The following ARID5B variants were observed in gnomAD, a reference collection of about 807,000 sequenced individuals.
ARID5B encodes the protein AT-rich interaction domain 5B.
A neutral mutation model predicts 97.2 loss-of-function variants in ARID5B; 13 were observed. The observed-to-expected ratio is 0.13, with a 90% CI of 0.09 to 0.21. ARID5B has a LOEUF of 0.21. ARID5B is among the 10% of genes least tolerant of loss of function. ARID5B has a pLI of 1.00. For synonymous variants in ARID5B, 556 were observed against 570.3 expected, an observed-to-expected ratio of 0.97 and a Z score of 0.36; for missense variants, 1,210 against 1,465.3, an observed-to-expected ratio of 0.83 and a Z score of 2.84.
Position 62,096,336 on chromosome 10 carries a change from T to C in ARID5B, c.*3306T>C, listed in dbSNP as rs1840469985. The C allele has an allele frequency of 4.3e-6, 1 of 233,560 alleles. No individual in the cohort carries two copies. Among genetic ancestry groups the C allele is most frequent in the Non-Finnish European group, 8.5e-6 (1 of 118,050 alleles). The allele number at this position is 233,560 out of a possible 1,614,324, so 14.5% of individuals were successfully genotyped here. ...TGTAGTGTGCCTTCAAAGAGAACCA[T>C]TTATTTCTCTTCACTTATCGTCCCA... On this transcript the variant is annotated 3_prime_UTR_variant, in exon 10 of 10. Transcript: ENST00000279873.
At chr10:62,039,030 GAC>G (rs1184608418) in intron 4 of ARID5B, among the ~76,000 whole-genome samples, 1 of 152,226 alleles carries the variant, frequency 6.6e-6, no homozygotes, top group Non-Finnish European at 1.5e-5. Flanking sequence ...GACTGGTGCA[GAC>G]AAGAGCTTTT....
intron 7 of ARID5B, among the ~76,000 whole-genome samples, chr10:62,065,396 C>G (rs1839973248): frequency 6.6e-6 from 1 of 152,190 alleles, no homozygotes; most frequent in Non-Finnish European, 1.5e-5. Context: ...TCCCTTCCTT[C>G]CTTTCACTTC....
chr10:61,987,688 C>T (rs1321578331), intron 3 of ARID5B, among the ~76,000 whole-genome samples: 1 of 152,214 alleles, frequency 6.6e-6, no homozygotes, highest in Non-Finnish European at 1.5e-5. Context: ...AATGAATGTG[C>T]ATGACTATGT....
rs141236035 is a variant in ARID5B, at chr10:62,091,487, C to G, written c.2024C>G (p.Thr675Arg). 4 of 1,612,508 alleles carry G rather than the reference C, an allele frequency of 2.5e-6. No homozygotes were observed. The highest frequency in any genetic ancestry group is 3.4e-6 in the Non-Finnish European group (4 of 1,179,328). ...AACGAGAACCATGGACTTAATTACA[C>G]GCCCCTGCTCTACTCTAGGGGCAAC... ...PMNENHGLNY[T>R]PLLYSRGNPG... The change falls in exon 10 of 10, where the codon ACG (threonine) becomes AGG (arginine). Residue 675 changes from threonine (T) to arginine (R), a missense_variant. Around this residue, in one of 8 missense-constraint regions of ARID5B, gnomAD observed 800 missense variants for 839.1 expected, o/e 0.95. Transcript: ENST00000279873.
At chr10:61,964,325 GTC>G (rs1838514808) in intron 3 of ARID5B, among the ~76,000 whole-genome samples, 1 of 152,118 alleles carries the variant, frequency 6.6e-6, no homozygotes, top group South Asian at 2.1e-4. Context: ...CTGCAGGGAC[GTC>G]TCTCAGTATT....
chr10:62,040,372 A>G (rs1839621315), intron 4 of ARID5B, among the ~76,000 whole-genome samples: 1 of 152,126 alleles, frequency 6.6e-6, no homozygotes, highest in African/African-American at 2.4e-5. Flanking sequence ...ATGTGTATAT[A>G]TAACTATATA....
Position 62,018,717 on chromosome 10 carries a change from C to T in ARID5B, c.733+18396C>T, listed in dbSNP as rs542652438. Reference sequence around the variant, plus strand: ...CTGTCTTGTGATTATGTCTTATGATCCTGACCTGGTGATATTTTGCATTAA... The same window carrying T: ...CTGTCTTGTGATTATGTCTTATGATTCTGACCTGGTGATATTTTGCATTAA... On this transcript the variant is annotated intron_variant, in intron 4 of 9. Coordinates refer to ENST00000279873, the MANE Select transcript of ARID5B (RefSeq NM_032199.3). Among the ~76,000 whole-genome samples, 4 of 142,908 alleles carry T rather than the reference C, an allele frequency of 2.8e-5. No individual in the cohort carries two copies. In the East Asian group the frequency reaches 6.5e-4, roughly 23 times the overall value. 93.8% of individuals were successfully genotyped at this position (142,908 alleles called of 152,430 possible).
At chr10:61,998,143 C>G (rs1839026923) in intron 3 of ARID5B, among the ~76,000 whole-genome samples, 1 of 152,172 alleles carries the variant, frequency 6.6e-6, no homozygotes, top group Admixed American at 6.5e-5. Flanking sequence ...AAGCCGCCAG[C>G]CTGAGGAACT....
chr10:62,005,513 C>G (rs968967358), intron 4 of ARID5B, among the ~76,000 whole-genome samples: 23 of 152,190 alleles, frequency 1.5e-4, no homozygotes, highest in Admixed American at 1.4e-3. Flanking sequence ...CTCCTGGGGT[C>G]TTACTATAAT....
intron 2 of ARID5B, among the ~76,000 whole-genome samples, chr10:61,931,453 G>C (rs941042459): frequency 1.3e-5 from 2 of 152,030 alleles, no homozygotes; most frequent in Admixed American, 6.5e-5. Context: ...TAGGCAAAGA[G>C]TTCATAGATA....
chr10:61,929,075 G>A (rs1268252498), intron 2 of ARID5B, among the ~76,000 whole-genome samples: 1 of 152,218 alleles, frequency 6.6e-6, no homozygotes, highest in Non-Finnish European at 1.5e-5. Flanking sequence ...ACAAGCTGAA[G>A]TGGTTGTAGT....
intron 3 of ARID5B, among the ~76,000 whole-genome samples, chr10:61,956,104 C>A (rs1838387741): frequency 3.3e-5 from 5 of 152,156 alleles, no homozygotes; most frequent in Admixed American, 2.6e-4. Context: ...TAACAGGGGT[C>A]CCCAATCCCC....
At chr10:61,952,843 GGTGT>G (rs59658634) in intron 3 of ARID5B, among the ~76,000 whole-genome samples, 2,497 of 147,850 alleles carry the variant, frequency 0.017, 24 homozygotes, top group Non-Finnish European at 0.026. Flanking sequence ...TGGTGTTATA[GGTGT>G]GTGTGTGTGT....
At chr10:61,980,365 T>A (rs1184623395) in intron 3 of ARID5B, among the ~76,000 whole-genome samples, 1 of 152,190 alleles carries the variant, frequency 6.6e-6, no homozygotes, top group African/African-American at 2.4e-5. Flanking sequence ...TTCATATTTC[T>A]CCTCCTTATG....
At chr10:61,948,327 C>T (rs1205037980) in intron 3 of ARID5B, among the ~76,000 whole-genome samples, 2 of 149,878 alleles carry the variant, frequency 1.3e-5, no homozygotes, top group East Asian at 2.0e-4. Flanking sequence ...CTAAGATGTG[C>T]TTTCAGAATC....
Position 62,093,754 on chromosome 10 carries a change from G to A in ARID5B, c.*724G>A, listed in dbSNP as rs1840424607. ...TTGAGGCTGACTGACTGTCCTAGTT[G>A]TTGTGTGTTTGTAATTTTTCCACAT... On this transcript the variant is annotated 3_prime_UTR_variant, in exon 10 of 10. Transcript: ENST00000279873. 1 of 210,380 alleles carries A rather than the reference G, an allele frequency of 4.8e-6. No individual in the cohort carries two copies. The highest frequency in any genetic ancestry group is 2.0e-4 in the South Asian group (1 of 4,914). The allele number at this position is 210,380 out of a possible 1,614,324, so 13.0% of individuals were successfully genotyped here.
intron 3 of ARID5B, among the ~76,000 whole-genome samples, chr10:61,947,682 A>C (rs1838258392): frequency 6.6e-6 from 1 of 152,226 alleles, no homozygotes; most frequent in African/African-American, 2.4e-5. Flanking sequence ...AAATAGTTGA[A>C]TATTGCCTTG....
intron 3 of ARID5B, among the ~76,000 whole-genome samples, chr10:61,969,262 C>T (rs1208107718): frequency 1.3e-5 from 2 of 152,190 alleles, no homozygotes; most frequent in African/African-American, 4.8e-5. Flanking sequence ...TGCTTATTTG[C>T]TAGCAGTTTG....
chr10:62,032,848 T>C (rs1024666829), intron 4 of ARID5B, among the ~76,000 whole-genome samples: 10 of 152,176 alleles, frequency 6.6e-5, no homozygotes, highest in African/African-American at 2.4e-4. Flanking sequence ...TCTTTCCTTT[T>C]CTCCTAAGTG....
Sources: gnomAD v4.1 joint callset for allele counts (sites outside exome capture counted in the v4.1 genomes callset) on GRCh38, gnomAD v4.1.1 for gene constraint, gnomAD v4.1.1 regional missense constraint, MANE v1.5 for transcripts, NCBI Gene and HGNC (gene_info 2026-07-23, HGNC 2026-07-21) for gene names.